Variants in CREG1 observed in about 807,000 individuals in gnomAD.
The protein encoded by CREG1 is protein CREG1.
Under a neutral mutation model 19.9 loss-of-function variants are expected in CREG1, and 20 were observed. That is an observed-to-expected ratio of 1.01 (90% confidence interval 0.71 to 1.46). The LOEUF is 1.46. Ranked by LOEUF, CREG1 falls within the 40% of genes most tolerant of loss-of-function variation. The probability of loss-of-function intolerance (pLI) is 0.00; values close to 1 mark genes in which losing one functional copy is unlikely to be tolerated. For missense variants in CREG1, 290 were observed against 314.9 expected (o/e 0.92, Z 0.60); for synonymous variants, 141 against 143.3 (o/e 0.98, Z 0.12).
chr1:167,553,685 C>T lies in CREG1; in HGVS notation c.57G>A (p.Ser19=). ...ARALLAALLA[S]TLLALLVSPA... The stretch of plus-strand genomic sequence containing the variant: ...GCGACACGAGCAGCGCCAACAGCGT[C>T]GACGCCAGCAGGGCGGCGAGCAGTG... Residue 19 remains serine (S), a synonymous_variant, in exon 1 of 4, where the codon TCG becomes TCA. Transcript: ENST00000370509. 1 of 1,322,202 alleles carries T rather than the reference C, an allele frequency of 7.6e-7. No homozygotes were observed. Among genetic ancestry groups the T allele is most frequent in the Non-Finnish European group, 9.6e-7 (1 of 1,042,018 alleles). 81.9% of individuals were successfully genotyped at this position (1,322,202 alleles called of 1,614,324 possible). A position where few individuals can be genotyped will look rare whatever the true frequency, so the allele number is the denominator to read the frequency against.
At chr1:167,548,449 G>C (rs1019185990) in intron 1 of CREG1, among the ~76,000 whole-genome samples, 23 of 151,720 alleles carry the variant, frequency 1.5e-4, no homozygotes, top group Admixed American at 7.9e-4. Context: ...TGTTCTATAG[G>C]CTTCACTGAA....
intron 1 of CREG1, among the ~76,000 whole-genome samples, chr1:167,548,529 C>T (rs1464502130): frequency 2.0e-5 from 3 of 152,196 alleles, no homozygotes; most frequent in Admixed American, 6.5e-5. Flanking sequence ...TGGCTAACTA[C>T]GCGATTTAAG....
chr1:167,542,273 GTTGCTAAA>G lies in CREG1; in HGVS notation c.*17_*24del. On this transcript the variant is annotated 3_prime_UTR_variant, in exon 4 of 4. Transcript: ENST00000370509. Reference sequence around the variant, plus strand: ...AGCCACTTTAAGAAACTTCATAAGTGTTGCTAAATTCACCACAGTCTGCTTCACCTAGA... The same window carrying G: ...AGCCACTTTAAGAAACTTCATAAGTGTTCACCACAGTCTGCTTCACCTAGA... 2 of 1,597,710 alleles carry G rather than the reference GTTGCTAAA, an allele frequency of 1.3e-6. No individual in the cohort carries two copies. Among genetic ancestry groups the G allele is most frequent in the Non-Finnish European group, 1.7e-6 (2 of 1,173,464 alleles).
At chr1:167,552,188 C>T (rs4657669) in intron 1 of CREG1, among the ~76,000 whole-genome samples, 12,221 of 152,202 alleles carry the variant, frequency 0.08, 701 homozygotes, top group East Asian at 0.27. Flanking sequence ...GTTACTTAAC[C>T]TAGGTAGGCC....
In CREG1 at chr1:167,553,749, T is replaced by G. The variant is rs1360194742; in HGVS notation, c.-8A>C. The stretch of plus-strand genomic sequence containing the variant: ...GCGGGATAGCCCGGCCATGGCGGTG[T>G]CTCCAGGAAGAGTCCCGGGCCCCAA... On this transcript the variant is annotated 5_prime_UTR_variant, in exon 1 of 4. Coordinates refer to ENST00000370509, the MANE Select transcript of CREG1 (RefSeq NM_003851.3). The G allele has an allele frequency of 1.6e-6, 2 of 1,269,718 alleles. No individual in the cohort carries two copies. Among genetic ancestry groups the G allele is most frequent in the Non-Finnish European group, 2.0e-6 (2 of 1,006,478 alleles). The allele number at this position is 1,269,718 out of a possible 1,614,324, so 78.7% of individuals were successfully genotyped here.
intron 1 of CREG1, among the ~76,000 whole-genome samples, chr1:167,552,364 G>A (rs1656435536): frequency 6.6e-6 from 1 of 152,188 alleles, no homozygotes; most frequent in Non-Finnish European, 1.5e-5. Flanking sequence ...TCAAATGTGA[G>A]AGCTTTGTCA....
chr1:167,551,500 G>T (rs1403774780), intron 1 of CREG1, among the ~76,000 whole-genome samples: 1 of 152,164 alleles, frequency 6.6e-6, no homozygotes, highest in Non-Finnish European at 1.5e-5. Flanking sequence ...TGTCCTACCT[G>T]ACAGCCATTA....
chr1:167,548,127 GA>G lies in CREG1; in HGVS notation c.355-7del. ...AGTGTAGCATATGGATTCTCCTATAGAGAGAAAATGAAGATCCTCTCATGTG... is the reference window on the plus strand; with the variant it reads ...AGTGTAGCATATGGATTCTCCTATAGGAGAAAATGAAGATCCTCTCATGTG... On this transcript the variant is annotated splice_polypyrimidine_tract_variant and splice_region_variant and intron_variant, in intron 1 of 3. Coordinates refer to ENST00000370509, the MANE Select transcript of CREG1 (RefSeq NM_003851.3). The G allele has an allele frequency of 6.3e-7, 1 of 1,584,808 alleles. No individual in the cohort carries two copies.
At chr1:167,542,387 A>G in intron 3 of CREG1, 86 bp from the exon 4 acceptor site, 1 of 1,261,610 alleles carries the variant, frequency 7.9e-7, no homozygotes, top group Non-Finnish European at 1.1e-6. Context: ...AGGACTAGAT[A>G]AAATTTCTGA....
At chr1:167,543,669 C>T (rs1212393888) in intron 3 of CREG1, among the ~76,000 whole-genome samples, 1 of 152,182 alleles carries the variant, frequency 6.6e-6, no homozygotes, top group Non-Finnish European at 1.5e-5. Flanking sequence ...TGGGGGCACT[C>T]CTAGACTCGG....
At chr1:167,542,813 T>G (rs1315181604) in intron 3 of CREG1, among the ~76,000 whole-genome samples, 1 of 152,176 alleles carries the variant, frequency 6.6e-6, no homozygotes, top group African/African-American at 2.4e-5. Flanking sequence ...ACTGGGCAAG[T>G]CTGTAATCCA....
chr1:167,551,175 G>A (rs776515119), intron 1 of CREG1, among the ~76,000 whole-genome samples: 2 of 152,148 alleles, frequency 1.3e-5, no homozygotes, highest in Non-Finnish European at 2.9e-5. Flanking sequence ...TGGTAAGTAC[G>A]TTTGAAGCTC....
chr1:167,548,188 A>G, intron 1 of CREG1, 67 bp from the exon 2 acceptor site: 1 of 1,343,018 alleles, frequency 7.4e-7, no homozygotes, highest in Non-Finnish European at 1.0e-6. Context: ...AAATTTCAAA[A>G]GTTGCATACA....
At chr1:167,553,240 A>ACGCC in intron 1 of CREG1, 148 bp downstream of exon 1, 1 of 615,316 alleles carries the variant, frequency 1.6e-6, no homozygotes, top group Non-Finnish European at 2.5e-6. Flanking sequence ...GGACGCTGCA[A>ACGCC]CGCCCACCTA....
Position 167,548,125 on chromosome 1 carries a change from T to C in CREG1, c.355-4A>G, listed in dbSNP as rs74119803. On this transcript the variant is annotated splice_polypyrimidine_tract_variant and splice_region_variant and intron_variant, in intron 1 of 3. Transcript: ENST00000370509. ...TCAGTGTAGCATATGGATTCTCCTATAGAGAGAAAATGAAGATCCTCTCAT... is the reference window on the plus strand; with the variant it reads ...TCAGTGTAGCATATGGATTCTCCTACAGAGAGAAAATGAAGATCCTCTCAT... The C allele has an allele frequency of 1.7e-3, 2,689 of 1,588,632 alleles. 30 individuals are homozygous for C. In the African/African-American group the frequency reaches 0.03, roughly 17 times the overall value.
Position 167,553,526 on chromosome 1 carries a change from G to A in CREG1, c.216C>T (p.Ala72=). Residue 72 remains alanine, a synonymous_variant, in exon 1 of 4, where the codon GCC becomes GCT. Transcript: ENST00000370509. ...GCACCGCCTCCAGCGTGGAGATGGT[G>A]GCCAGAGCGCCCCAGTCGGAGACGT... The part of the protein sequence containing the change: ...VTHVSDWGAL[A]TISTLEAVRG... The A allele has an allele frequency of 6.7e-7, 1 of 1,485,614 alleles. No individual in the cohort carries two copies. The highest frequency in any genetic ancestry group is 8.9e-7 in the Non-Finnish European group (1 of 1,125,372). The allele number at this position is 1,485,614 out of a possible 1,614,324, so 92.0% of individuals were successfully genotyped here.
intron 2 of CREG1, among the ~76,000 whole-genome samples, chr1:167,547,493 GTCATA>G (rs907794657): frequency 2.6e-5 from 4 of 152,090 alleles, no homozygotes; most frequent in Non-Finnish European, 5.9e-5. Context: ...ATTCATTTTT[GTCATA>G]TCTTATTTAA....
At position 167,541,449 on chromosome 1, in the gene CREG1, T is replaced by C. The variant is rs993265330; in HGVS notation, c.*849A>G. 2 of 152,202 alleles carry C rather than the reference T, an allele frequency of 1.3e-5. No homozygotes were observed. The highest frequency in any genetic ancestry group is 2.9e-5 in the Non-Finnish European group (2 of 68,034). The allele number at this position is 152,202 out of a possible 1,614,324, so 9.4% of individuals were successfully genotyped here. A position where few individuals can be genotyped will look rare whatever the true frequency, so the allele number is the denominator to read the frequency against. ...GTGGAGAGTGGTTTGGGAGGGGATTTTGTCCCTGGCTGAAGCTGGTCCATG... is the reference window on the plus strand; with the variant it reads ...GTGGAGAGTGGTTTGGGAGGGGATTCTGTCCCTGGCTGAAGCTGGTCCATG... On this transcript the variant is annotated 3_prime_UTR_variant, in exon 4 of 4. Transcript: ENST00000370509.
At chr1:167,544,373 T>C (rs1014343436) in intron 3 of CREG1, among the ~76,000 whole-genome samples, 3 of 148,618 alleles carry the variant, frequency 2.0e-5, no homozygotes, top group African/African-American at 7.4e-5. Flanking sequence ...AGGGAGTCAA[T>C]AGTTCAACAC....
Sources: allele counts gnomAD v4.1 joint callset (sites outside exome capture counted in the v4.1 genomes callset), GRCh38; gene constraint gnomAD v4.1.1; transcripts MANE v1.5; gene names NCBI Gene and HGNC (gene_info 2026-07-23, HGNC 2026-07-21).